The following PMFBP1 variants were observed in gnomAD, a reference collection of about 807,000 sequenced individuals.
The protein encoded by PMFBP1 is polyamine-modulated factor 1-binding protein 1.
PMFBP1 carries 131 observed loss-of-function variants against 137.8 expected under a neutral mutation model. That is an observed-to-expected ratio of 0.95 (90% CI 0.82 to 1.10). The LOEUF is 1.10. Ranked by LOEUF, PMFBP1 falls within the 50% of genes least tolerant of loss-of-function variation. The pLI is 0.00. For missense variants in PMFBP1, 1,199 were observed against 1,175.4 expected, an observed-to-expected ratio of 1.02 and a Z score of -0.29; for synonymous variants, 490 against 450.4, an observed-to-expected ratio of 1.09 and a Z score of -1.11.
At chr16:72,163,422 T>G (rs776522097) in intron 3 of PMFBP1, among the ~76,000 whole-genome samples, 1 of 152,184 alleles carries the variant, frequency 6.6e-6, no homozygotes, top group Non-Finnish European at 1.5e-5. Context: ...AGACTCTAGA[T>G]AAGTATTAGT....
chr16:72,204,617 G>T, the PMFBP1 span, among the ~76,000 whole-genome samples: 1 of 152,178 alleles, frequency 6.6e-6, no homozygotes, highest in African/African-American at 2.4e-5. Context: ...TGTGTATTCA[G>T]GTACACGATG....
chr16:72,197,865 T>A, the PMFBP1 span, among the ~76,000 whole-genome samples: 1 of 152,140 alleles, frequency 6.6e-6, no homozygotes, highest in Non-Finnish European at 1.5e-5. Flanking sequence ...CAGTGCAACA[T>A]CACATCTGCA....
chr16:72,238,101 T>C, the PMFBP1 span, among the ~76,000 whole-genome samples: 1 of 152,254 alleles, frequency 6.6e-6, no homozygotes, highest in Non-Finnish European at 1.5e-5. Context: ...AGTGCTGCAA[T>C]GAACATATGT....
the PMFBP1 span, among the ~76,000 whole-genome samples, chr16:72,184,203 T>C: frequency 6.6e-6 from 1 of 152,126 alleles, no homozygotes; most frequent in African/African-American, 2.4e-5. Context: ...CCATTCTCAC[T>C]CTACATCCTC....
At chr16:72,233,525 T>C in the PMFBP1 span, among the ~76,000 whole-genome samples, 1 of 152,174 alleles carries the variant, frequency 6.6e-6, no homozygotes. Context: ...TAATTACCAA[T>C]ACTATTGTCC....
In PMFBP1 at chr16:72,119,847, G is replaced by A. The variant is rs1451313599; in HGVS notation, c.3007+4C>T. ...CTTATTTTTTTGACAAATGGCAGAC[G>A]TACCCGGGCAGTGGGGCATCCCGAT... On this transcript the variant is annotated splice_donor_region_variant and intron_variant, in intron 20 of 20. Coordinates refer to ENST00000237353, the MANE Select transcript of PMFBP1 (RefSeq NM_031293.3). The A allele has an allele frequency of 7.4e-6, 12 of 1,611,536 alleles. No individual in the cohort carries two copies. Among genetic ancestry groups the A allele is most frequent in the Admixed American group, 1.7e-5 (1 of 59,490 alleles).
intron 3 of PMFBP1, among the ~76,000 whole-genome samples, chr16:72,158,865 C>T (rs1036109580): frequency 6.6e-6 from 1 of 152,062 alleles, no homozygotes; most frequent in Non-Finnish European, 1.5e-5. Context: ...CATGTTGGCA[C>T]GTGCCTGTAG....
At chr16:72,122,834 G>T in intron 19 of PMFBP1, 80 bp downstream of exon 19, 3 of 1,377,978 alleles carry the variant, frequency 2.2e-6, no homozygotes, top group Non-Finnish European at 2.0e-6. Context: ...CCCTATCAAG[G>T]GCTAAAGCCA....
chr16:72,204,315 G>A, the PMFBP1 span, among the ~76,000 whole-genome samples: 1 of 151,920 alleles, frequency 6.6e-6, no homozygotes. Flanking sequence ...AGCCTTTTGA[G>A]CTGCTGGGAA....
intron 17 of PMFBP1, 66 bp downstream of exon 17, chr16:72,124,701 T>G: frequency 3.2e-6 from 5 of 1,547,464 alleles, no homozygotes; most frequent in Non-Finnish European, 4.4e-6. Context: ...TGTCTGGCAT[T>G]TGGGTGGTCA....
At chr16:72,157,183 C>CAAAAAAAAAA (rs35414674) in intron 3 of PMFBP1, among the ~76,000 whole-genome samples, 1 of 18,928 alleles carries the variant, frequency 5.3e-5, no homozygotes, top group Non-Finnish European at 9.4e-5. Flanking sequence ...GACTCCATCT[C>CAAAAAAAAAA]AAAAAAAAAA....
At chr16:72,148,375 T>TGGGGGGGCGGGGGGGGGGGG (rs1255511241) in intron 5 of PMFBP1, among the ~76,000 whole-genome samples, 1 of 73,012 alleles carries the variant, frequency 1.4e-5, no homozygotes, top group Non-Finnish European at 2.9e-5. Flanking sequence ...TGTCGGGGGG[T>TGGGGGGGCGGGGGGGGGGGG]GGGGGGCTGG....
chr16:72,190,668 G>A, the PMFBP1 span, among the ~76,000 whole-genome samples: 1 of 152,164 alleles, frequency 6.6e-6, no homozygotes. Flanking sequence ...GAGAGTTGCA[G>A]GGGTGAGAGA....
At chr16:72,209,261 G>A in the PMFBP1 span, among the ~76,000 whole-genome samples, 1 of 152,202 alleles carries the variant, frequency 6.6e-6, no homozygotes, top group Non-Finnish European at 1.5e-5. Context: ...GGCTTTGCAT[G>A]ATATGTAAGT....
chr16:72,123,682 G>A, intron 17 of PMFBP1, 33 bp from the exon 18 acceptor site: 1 of 1,593,384 alleles, frequency 6.3e-7, no homozygotes, highest in Non-Finnish European at 8.6e-7. Context: ...GACAGTCAGA[G>A]GTGGGAGCAC....
the PMFBP1 span, among the ~76,000 whole-genome samples, chr16:72,184,980 G>A: frequency 1.3e-5 from 2 of 151,010 alleles, no homozygotes; most frequent in Admixed American, 6.6e-5. Context: ...AAGGTAAAGT[G>A]TTCCTTAAAT....
At chr16:72,197,577 A>T in the PMFBP1 span, among the ~76,000 whole-genome samples, 2 of 152,238 alleles carry the variant, frequency 1.3e-5, no homozygotes, top group East Asian at 3.9e-4. Flanking sequence ...CTTCCTCGAG[A>T]GAGCAGTCTG....
chr16:72,180,561 A>G (rs929535429), upstream of PMFBP1, among the ~76,000 whole-genome samples: 1 of 152,152 alleles, frequency 6.6e-6, no homozygotes, highest in Admixed American at 6.5e-5. Flanking sequence ...ATGAAATTTC[A>G]ATTCATCCAC....
rs757026286 is a variant in PMFBP1 at position 72,130,762 on chromosome 16, G to A, written c.1448-40C>T. The A allele has an allele frequency of 6.4e-6, 10 of 1,558,548 alleles. No homozygotes were observed. The South Asian group carries it at 9.4e-5, about 15-fold the overall frequency. On this transcript the variant is annotated intron_variant, in intron 10 of 20. Coordinates refer to ENST00000237353, the MANE Select transcript of PMFBP1 (RefSeq NM_031293.3). ...AGATGGCCATGTGAGAAGGGAGGGT[G>A]TATGAAGATCACACTCTTATCAGCC... is the stretch of plus-strand genomic sequence containing the variant.
Sources: allele counts gnomAD v4.1 joint callset (sites outside exome capture counted in the v4.1 genomes callset), GRCh38; gene constraint gnomAD v4.1.1; transcripts MANE v1.5; gene names NCBI Gene and HGNC (gene_info 2026-07-23, HGNC 2026-07-21).